Variants in EYS observed in about 807,000 individuals in gnomAD.
The protein encoded by EYS is protein eyes shut homolog.
In EYS, 250 loss-of-function variants were observed where a neutral mutation model predicts 282.1. The observed-to-expected ratio is 0.89, with a 90% CI of 0.80 to 0.98. The LOEUF (loss-of-function observed/expected upper bound fraction) is 0.98, where lower values mean the gene tolerates loss of function less well. EYS is among the 50% of genes least tolerant of loss of function. EYS has a pLI of 0.00. For synonymous variants in EYS, 1,355 were observed against 1,282.9 expected, an observed-to-expected ratio of 1.06 and a Z score of -1.20; for missense variants, 4,016 against 3,709.0, an observed-to-expected ratio of 1.08 and a Z score of -2.15.
chr6:64,603,701 T>C (rs1011715800), intron 24 of EYS, among the ~76,000 whole-genome samples: 2 of 152,040 alleles, frequency 1.3e-5, no homozygotes, highest in African/African-American at 4.8e-5. Flanking sequence ...TTCAAACTGG[T>C]TCTGTGGAGG....
At chr6:64,971,424 G>C (rs1349652664) in intron 14 of EYS, among the ~76,000 whole-genome samples, 2 of 151,992 alleles carry the variant, frequency 1.3e-5, no homozygotes, top group Non-Finnish European at 1.5e-5. Flanking sequence ...TTATGATCAG[G>C]GCTGCTCTTA....
intron 12 of EYS, among the ~76,000 whole-genome samples, chr6:65,110,416 C>T (rs537412445): frequency 2.6e-5 from 4 of 151,886 alleles, no homozygotes; most frequent in Non-Finnish European, 5.9e-5. Flanking sequence ...ACACAAGTAC[C>T]AAAAAAGCTA....
At chr6:65,102,905 T>G (rs1158203576) in intron 12 of EYS, among the ~76,000 whole-genome samples, 1 of 151,462 alleles carries the variant, frequency 6.6e-6, no homozygotes, top group African/African-American at 2.4e-5. Context: ...TTAGTTTTCT[T>G]TAAATTTGTT....
chr6:65,108,889 A>G (rs1275549697), intron 12 of EYS, among the ~76,000 whole-genome samples: 1 of 151,892 alleles, frequency 6.6e-6, no homozygotes, highest in Non-Finnish European at 1.5e-5. Flanking sequence ...TTCAATATTT[A>G]TTCTTTCTGT....
intron 12 of EYS, among the ~76,000 whole-genome samples, chr6:65,215,430 T>G (rs1179905767): frequency 6.6e-6 from 1 of 152,212 alleles, no homozygotes; most frequent in Admixed American, 6.5e-5. Flanking sequence ...ATTGAACTGC[T>G]GCAATCTCAT....
At chr6:65,000,936 G>C (rs551293806) in intron 13 of EYS, among the ~76,000 whole-genome samples, 1 of 152,130 alleles carries the variant, frequency 6.6e-6, no homozygotes, top group African/African-American at 2.4e-5. Context: ...GATCCCTCTC[G>C]CAGGACATGC....
At position 64,376,475 on chromosome 6, in the gene EYS, G is replaced by A. The variant is rs1006948291; in HGVS notation, c.6078+12215C>T. On this transcript the variant is annotated intron_variant, in intron 29 of 42. Coordinates refer to ENST00000503581, the MANE Select transcript of EYS (RefSeq NM_001142800.2). Reference sequence around the variant, plus strand: ...GAGGCTGAAGAATCTGAAATAAGTCGGTGACATAATATCTTAGAAACTTCC... The same window carrying A: ...GAGGCTGAAGAATCTGAAATAAGTCAGTGACATAATATCTTAGAAACTTCC... Among the ~76,000 whole-genome samples, 5 of 152,176 alleles carry A rather than the reference G, an allele frequency of 3.3e-5. No homozygotes were observed. In the South Asian group the frequency reaches 6.2e-4, roughly 19 times the overall value.
intron 28 of EYS, among the ~76,000 whole-genome samples, chr6:64,409,159 G>A (rs1336925691): frequency 1.3e-5 from 2 of 152,230 alleles, no homozygotes; most frequent in Non-Finnish European, 2.9e-5. Flanking sequence ...GTATTCCATG[G>A]TGTATATGCA....
intron 31 of EYS, among the ~76,000 whole-genome samples, chr6:64,209,808 ACCT>A (rs1408467415): frequency 2.2e-4 from 34 of 151,992 alleles, no homozygotes; most frequent in Admixed American, 2.2e-3. Context: ...TTTTCAAATC[ACCT>A]CCTGACAGTC....
intron 5 of EYS, among the ~76,000 whole-genome samples, chr6:65,447,343 T>TAC (rs1768708873): frequency 7.1e-6 from 1 of 141,590 alleles, no homozygotes; most frequent in South Asian, 2.1e-4. Flanking sequence ...TATATATATA[T>TAC]ATAAATATAT....
chr6:64,273,420 A>G (rs181980888), intron 30 of EYS, among the ~76,000 whole-genome samples: 21 of 152,170 alleles, frequency 1.4e-4, no homozygotes. Flanking sequence ...ATCTGTCCTC[A>G]GTGTTTTTTT....
intron 30 of EYS, among the ~76,000 whole-genome samples, chr6:64,299,060 G>A (rs1474317751): frequency 6.6e-6 from 1 of 152,186 alleles, no homozygotes; most frequent in Non-Finnish European, 1.5e-5. Flanking sequence ...CTTCTTGGAA[G>A]GCCGGAAGGT....
intron 22 of EYS, among the ~76,000 whole-genome samples, chr6:64,650,130 A>C (rs1313562913): frequency 3.9e-5 from 6 of 152,098 alleles, no homozygotes; most frequent in Non-Finnish European, 8.8e-5. Context: ...TATAAATTTA[A>C]ATGATAATCT....
chr6:64,950,313 A>G lies in EYS; in HGVS notation c.2260-4399T>C, dbSNP rs528039723. Reference sequence around the variant, plus strand: ...CTCCCAAGTCTTTATTTATTCTCTTATGCCACATAGGTGAAGAGAATAGAA... The same window carrying G: ...CTCCCAAGTCTTTATTTATTCTCTTGTGCCACATAGGTGAAGAGAATAGAA... On this transcript the variant is annotated intron_variant, in intron 14 of 42. Coordinates refer to ENST00000503581, the MANE Select transcript of EYS (RefSeq NM_001142800.2). Among the ~76,000 whole-genome samples, 3 of 152,130 alleles carry G rather than the reference A, an allele frequency of 2.0e-5. No individual in the cohort carries two copies. In the South Asian group the frequency reaches 6.2e-4, roughly 31 times the overall value.
At chr6:64,289,711 ATCAGTAGTAGTAAAAGG>A (rs750166205) in intron 30 of EYS, among the ~76,000 whole-genome samples, 6 of 152,060 alleles carry the variant, frequency 3.9e-5, no homozygotes, top group Non-Finnish European at 7.4e-5. Flanking sequence ...TAATCTGACC[ATCAGTAGTAGTAAAAGG>A]TCAATATATA....
intron 22 of EYS, among the ~76,000 whole-genome samples, chr6:64,702,517 G>A (rs991442636): frequency 1.3e-5 from 2 of 151,862 alleles, no homozygotes; most frequent in Admixed American, 6.6e-5. Context: ...TCAGAACATC[G>A]TCAAGATCAG....
chr6:65,314,154 C>T (rs1025908730), intron 11 of EYS, among the ~76,000 whole-genome samples: 1 of 151,688 alleles, frequency 6.6e-6, no homozygotes, highest in Admixed American at 6.6e-5. Flanking sequence ...TGTATACATG[C>T]TTACATGCTT....
At chr6:64,597,926 AT>A (rs2149836254) in intron 24 of EYS, among the ~76,000 whole-genome samples, 1 of 151,834 alleles carries the variant, frequency 6.6e-6, no homozygotes, top group African/African-American at 2.4e-5. Flanking sequence ...TATCTTCAAT[AT>A]TATGCTAATT....
intron 41 of EYS, among the ~76,000 whole-genome samples, chr6:63,761,890 C>A (rs982786279): frequency 6.6e-6 from 1 of 152,066 alleles, no homozygotes; most frequent in Non-Finnish European, 1.5e-5. Flanking sequence ...GAGAAGGTAG[C>A]TCAGATCTAG....
Sources: gnomAD v4.1 joint callset for allele counts (sites outside exome capture counted in the v4.1 genomes callset) on GRCh38, gnomAD v4.1.1 for gene constraint, MANE v1.5 for transcripts, NCBI Gene and HGNC (gene_info 2026-07-23, HGNC 2026-07-21) for gene names.